Variants in MXD3 observed in about 807,000 individuals in gnomAD.
The protein encoded by MXD3 is Max-associated protein 3.
Under a neutral mutation model 27.5 loss-of-function variants are expected in MXD3, and 20 were observed. That is an observed-to-expected ratio of 0.73 (90% CI 0.51 to 1.06). The LOEUF (loss-of-function observed/expected upper bound fraction) is 1.06, where lower values mean the gene tolerates loss of function less well. Among genes scored for constraint, MXD3 ranks in the 50% least tolerant of loss-of-function variants. The pLI, the probability that MXD3 is intolerant of heterozygous loss-of-function variation, is 0.00. For synonymous variants in MXD3, 150 were observed against 130.7 expected, an observed-to-expected ratio of 1.15 and a Z score of -1.01; for missense variants, 298 against 291.3, an observed-to-expected ratio of 1.02 and a Z score of -0.17.
At chr5:177,312,513 A>C, upstream of MXD3, 1 of 985,400 alleles carries the variant, frequency 1.0e-6, no homozygotes, top group Non-Finnish European at 1.2e-6. Flanking sequence ...GCTGGGCCTC[A>C]ATGCGCAGGC....
chr5:177,311,296 CA>C (rs1761031080), intron 2 of MXD3, 82 bp downstream of exon 2: 1 of 944,882 alleles, frequency 1.1e-6, no homozygotes, highest in Non-Finnish European at 1.5e-6. Context: ...CCAAAAGATG[CA>C]AGCAACAAGT....
At chr5:177,308,185 T>TG (rs924082792) in intron 4 of MXD3, 34 of 556,926 alleles carry the variant, frequency 6.1e-5, no homozygotes, top group African/African-American at 9.5e-5. Context: ...AGATTGGGGG[T>TG]GGGGGGGCAC....
At chr5:177,305,993 T>C (rs1760862078), downstream of MXD3, 2 of 1,612,140 alleles carry the variant, frequency 1.2e-6, no homozygotes, top group African/African-American at 2.7e-5. Flanking sequence ...AGGTGAGCAG[T>C]GTTGTTGGGG....
At chr5:177,306,620 G>A (rs184770126), downstream of MXD3, 116 of 1,572,594 alleles carry the variant, frequency 7.4e-5, 1 homozygote, top group Middle Eastern at 1.3e-3. Flanking sequence ...TAGCCTCTCT[G>A]CCCTCCCTTC....
At chr5:177,310,997 T>G in intron 2 of MXD3, 1 of 577,442 alleles carries the variant, frequency 1.7e-6, no homozygotes, top group Admixed American at 3.1e-5. Flanking sequence ...AAACAGATGT[T>G]TCCCAAGCCG....
At chr5:177,310,014 G>A (rs563463264) in intron 4 of MXD3, among the ~76,000 whole-genome samples, 1 of 152,308 alleles carries the variant, frequency 6.6e-6, no homozygotes, top group South Asian at 2.1e-4. Context: ...GGCCTTGAAG[G>A]TGAGAGGGGG....
chr5:177,305,695 A>T, downstream of MXD3: 1 of 618,998 alleles, frequency 1.6e-6, no homozygotes, highest in South Asian at 1.9e-5. Context: ...TTTCGAGAGC[A>T]AAACGACCTT....
chr5:177,308,104 G>C, intron 4 of MXD3, 140 bp from the exon 5 acceptor site: 1 of 776,710 alleles, frequency 1.3e-6, no homozygotes, highest in South Asian at 1.9e-5. Context: ...AGGCCCCAGA[G>C]GGTTGCACCC....
In MXD3 at chr5:177,311,463, G is replaced by A. The variant is rs371782539; in HGVS notation, c.92C>T (p.Ser31Phe). The A allele has an allele frequency of 5.1e-5, 73 of 1,433,070 alleles. No individual in the cohort carries two copies. Among genetic ancestry groups the A allele is most frequent in the Non-Finnish European group, 6.5e-5 (71 of 1,095,594 alleles). The allele number at this position is 1,433,070 out of a possible 1,614,324, so 88.8% of individuals were successfully genotyped here. A position where few individuals can be genotyped will look rare whatever the true frequency, so the allele number is the denominator to read the frequency against. The change falls in exon 2 of 6, where the codon TCC becomes TTC. Residue 31 changes from serine (S) to phenylalanine (F), a missense_variant. Physicochemically the swap from Ser to Phe is radical, Grantham distance 155. Coordinates refer to ENST00000439742, the MANE Select transcript of MXD3 (RefSeq NM_031300.4). ...GCCTGGACTGCGATGCGGGCACAGG[G>A]ACGCATAACCATGCTCGGCCTCTGC... ...REREAEHGYA[S>F]LCPHRSPGPI... is the part of the protein sequence containing the mutation.
chr5:177,305,639 AAGAG>A (rs144303874), downstream of MXD3: 2,471 of 547,664 alleles, frequency 4.5e-3, 26 homozygotes, highest in African/African-American at 0.026. Flanking sequence ...TGTTGATCTC[AAGAG>A]AGAGACCTTT....
Position 177,307,598 on chromosome 5 carries a change from GCGC to G in MXD3, c.608_610del (p.Gly203del). On this transcript the variant is annotated inframe_deletion, in exon 6 of 6. Transcript: ENST00000439742. The stretch of plus-strand genomic sequence containing the variant: ...CCTGGGTGAGGAACATCATAGCCAG[GCGC>G]CGCCGCCGTGCGAGTAGCTGTGCTC... 6.2e-7 allele frequency: 1 copy of G among 1,612,632 alleles called. No homozygotes were observed. The highest frequency in any genetic ancestry group is 8.5e-7 in the Non-Finnish European group (1 of 1,179,896).
chr5:177,306,314 C>A, downstream of MXD3: 1 of 1,583,102 alleles, frequency 6.3e-7, no homozygotes, highest in South Asian at 1.1e-5. Context: ...GGGTGAATAC[C>A]ACCTTTTTAG....
chr5:177,310,342 C>T (rs1003551935), intron 4 of MXD3, 84 bp downstream of exon 4: 26 of 1,072,644 alleles, frequency 2.4e-5, no homozygotes, highest in East Asian at 7.7e-5. Context: ...CCTCAGGTCT[C>T]GTTCCCCAGT....
chr5:177,310,969 G>T, intron 2 of MXD3: 1 of 589,314 alleles, frequency 1.7e-6, no homozygotes, highest in Non-Finnish European at 3.0e-6. Context: ...ACCTCCCAGA[G>T]GTGACAGCTA....
rs954726574 is a variant in MXD3, at chr5:177,311,895, T to C, written c.-65A>G. 1 of 1,553,720 alleles carries C rather than the reference T, an allele frequency of 6.4e-7. No homozygotes were observed. The highest frequency in any genetic ancestry group is 8.7e-7 in the Non-Finnish European group (1 of 1,151,098). ...CCGGAGCAAGCGGCTGCAGCACTTT[T>C]GTTACAAAGTAACTGACACGGTGCA... is the stretch of plus-strand genomic sequence containing the variant. On this transcript the variant is annotated 5_prime_UTR_variant, in exon 1 of 6. Coordinates refer to ENST00000439742, the MANE Select transcript of MXD3 (RefSeq NM_031300.4).
At position 177,307,467 on chromosome 5, in the gene MXD3, G is replaced by C. The variant is rs1195168856; in HGVS notation, c.*121C>G. 37 of 1,533,720 alleles carry C rather than the reference G, an allele frequency of 2.4e-5. No homozygotes were observed. Among genetic ancestry groups the C allele is most frequent in the Non-Finnish European group, 3.2e-5 (36 of 1,140,530 alleles). On this transcript the variant is annotated 3_prime_UTR_variant, in exon 6 of 6. Coordinates refer to ENST00000439742, the MANE Select transcript of MXD3 (RefSeq NM_031300.4). Reference sequence around the variant, plus strand: ...TGGGGAGCACCTGTTCCCACACAAGGGTCCTTTTAGTCCATTCCAACAGGT... The same window carrying C: ...TGGGGAGCACCTGTTCCCACACAAGCGTCCTTTTAGTCCATTCCAACAGGT...
intron 4 of MXD3, among the ~76,000 whole-genome samples, chr5:177,308,663 G>A (rs752818181): frequency 1.4e-4 from 21 of 152,254 alleles, no homozygotes; most frequent in Non-Finnish European, 2.4e-4. Context: ...GTGAGCCACC[G>A]CGCCCGGCCC....
In MXD3 at chr5:177,311,852, G is replaced by A. The variant is rs921172926; in HGVS notation, c.-22C>T. The A allele has an allele frequency of 1.2e-6, 2 of 1,608,258 alleles. No homozygotes were observed. Among genetic ancestry groups the A allele is most frequent in the Non-Finnish European group, 1.7e-6 (2 of 1,177,268 alleles). ...CCATGTCGGCGACAGCTGGCGGCGGGCCGGCCTAGGGTGCCGGCCGGAGCA... is the reference window on the plus strand; with the variant it reads ...CCATGTCGGCGACAGCTGGCGGCGGACCGGCCTAGGGTGCCGGCCGGAGCA... On this transcript the variant is annotated 5_prime_UTR_variant, in exon 1 of 6. Transcript: ENST00000439742.
chr5:177,309,543 G>A (rs982222122), intron 4 of MXD3, among the ~76,000 whole-genome samples: 1 of 152,198 alleles, frequency 6.6e-6, no homozygotes, highest in Non-Finnish European at 1.5e-5. Flanking sequence ...AACAGACGCC[G>A]GGCGGCAGTG....
Sources: allele counts gnomAD v4.1 joint callset (sites outside exome capture counted in the v4.1 genomes callset), GRCh38; gene constraint gnomAD v4.1.1; transcripts MANE v1.5; gene names NCBI Gene and HGNC (gene_info 2026-07-23, HGNC 2026-07-21).